The following ALDH1A1 variants were observed in gnomAD, a reference collection of about 807,000 sequenced individuals.
ALDH1A1 encodes the protein aldehyde dehydrogenase 1A1.
Under a neutral mutation model 62.1 loss-of-function variants are expected in ALDH1A1, and 19 were observed. The observed-to-expected ratio is 0.31, with a 90% CI of 0.21 to 0.45. The LOEUF (loss-of-function observed/expected upper bound fraction) is 0.45. Among genes scored for constraint, ALDH1A1 ranks in the 20% least tolerant of loss-of-function variants. The pLI is 1.00. For synonymous variants in ALDH1A1, 231 were observed against 215.9 expected, an observed-to-expected ratio of 1.07 and a Z score of -0.61; for missense variants, 521 against 607.1, an observed-to-expected ratio of 0.86 and a Z score of 1.49.
At chr9:72,932,050 G>T (rs1282669441) in intron 2 of ALDH1A1, among the ~76,000 whole-genome samples, 2 of 152,136 alleles carry the variant, frequency 1.3e-5, no homozygotes, top group African/African-American at 4.8e-5. Context: ...GCAGATCCCT[G>T]TTCAGACCTC....
Position 72,930,942 on chromosome 9 carries a change from G to A in ALDH1A1, c.249C>T (p.Ser83=), listed in dbSNP as rs1564635688. 2.5e-6 allele frequency: 4 copies of A among 1,613,974 alleles called. No individual in the cohort carries two copies. Among genetic ancestry groups the A allele is most frequent in the Middle Eastern group, 1.6e-4 (1 of 6,062 alleles). Residue 83 remains serine (S), a synonymous_variant, in exon 3 of 13, where the codon TCC becomes TCT. Transcript: ENST00000297785. The part of the protein sequence containing the change: ...IGSPWRTMDA[S]ERGRLLYKLA... Reference sequence around the variant, plus strand: ...ACTTGTATAATAGTCGCCCCCTCTCGGAAGCATCCATAGTACGCCACGGGG... The same window carrying A: ...ACTTGTATAATAGTCGCCCCCTCTCAGAAGCATCCATAGTACGCCACGGGG...
chr9:72,932,280 A>T (rs566573695), intron 2 of ALDH1A1, among the ~76,000 whole-genome samples: 285 of 152,294 alleles, frequency 1.9e-3, no homozygotes, highest in African/African-American at 6.3e-3. Context: ...AGATTTTTTT[A>T]AAAAATTGTA....
At chr9:72,907,679 C>T (rs1465659354) in intron 11 of ALDH1A1, among the ~76,000 whole-genome samples, 1 of 152,120 alleles carries the variant, frequency 6.6e-6, no homozygotes, top group Admixed American at 6.5e-5. Flanking sequence ...CTTCTGCAAG[C>T]GTTTCCTCAT....
chr9:72,931,020 CTG>C lies in ALDH1A1; in HGVS notation c.172-3_172-2del. On this transcript the variant is annotated splice_acceptor_variant and splice_polypyrimidine_tract_variant and intron_variant, in intron 2 of 12. Transcript: ENST00000297785. LOFTEE classifies it high-confidence loss of function. ...CCTTCACTGCCTTGTCAACATCCTC[CTG>C]TAAGTCAACAGGAATTCAATTCAGT... 6.2e-7 allele frequency: 1 copy of C among 1,613,898 alleles called. No homozygotes were observed. Among genetic ancestry groups the C allele is most frequent in the Non-Finnish European group, 8.5e-7 (1 of 1,179,890 alleles).
At chr9:72,927,069 A>C in intron 5 of ALDH1A1, 47 bp downstream of exon 5, 1 of 1,367,010 alleles carries the variant, frequency 7.3e-7, no homozygotes, top group Non-Finnish European at 1.0e-6. Context: ...AGATAGAATA[A>C]GAACTCTTCT....
chr9:72,915,457 C>CA (rs4646545), intron 9 of ALDH1A1, among the ~76,000 whole-genome samples: 66,675 of 151,792 alleles, frequency 0.44, 15,518 homozygotes, highest in Non-Finnish European at 0.5. Flanking sequence ...ATAATCACAA[C>CA]AAAAAACATA....
intron 1 of ALDH1A1, among the ~76,000 whole-genome samples, chr9:72,950,906 C>T (rs1163987180): frequency 6.6e-6 from 1 of 151,358 alleles, no homozygotes; most frequent in African/African-American, 2.4e-5. Flanking sequence ...CAATCCAATT[C>T]TTCACTGGGA....
intron 11 of ALDH1A1, among the ~76,000 whole-genome samples, chr9:72,907,211 C>T (rs1829887991): frequency 6.6e-6 from 1 of 152,162 alleles, no homozygotes; most frequent in African/African-American, 2.4e-5. Context: ...TTTACACTTA[C>T]AAAAGGCAGT....
intron 9 of ALDH1A1, among the ~76,000 whole-genome samples, chr9:72,916,512 G>A (rs918089025): frequency 6.6e-6 from 1 of 152,114 alleles, no homozygotes; most frequent in Non-Finnish European, 1.5e-5. Flanking sequence ...AGGATTTAGG[G>A]GAGTGCTGGT....
rs751623980 is a variant in ALDH1A1 at position 72,916,986 on chromosome 9, A to G, written c.969T>C (p.Ser323=). ...GGATATACTTCTTAGCCCGCTCAAC[A>G]CTCCTTCGAACAAACTCATCATAAA... is the stretch of plus-strand genomic sequence containing the variant. The part of the protein sequence containing the change: ...ESIYDEFVRR[S]VERAKKYILG... The change falls in exon 9 of 13, where the codon AGT becomes AGC. Residue 323 remains serine, a synonymous_variant. Coordinates refer to ENST00000297785, the MANE Select transcript of ALDH1A1 (RefSeq NM_000689.5). 22 of 1,613,300 alleles carry G rather than the reference A, an allele frequency of 1.4e-5. No homozygotes were observed. In the East Asian group the frequency reaches 3.6e-4, roughly 26 times the overall value.
intron 7 of ALDH1A1, among the ~76,000 whole-genome samples, chr9:72,920,811 A>G (rs1830130699): frequency 6.6e-6 from 1 of 152,244 alleles, no homozygotes; most frequent in Admixed American, 6.5e-5. Flanking sequence ...TGCAATGAAG[A>G]AAAGATAAGA....
chr9:72,930,644 A>G (rs1363516906), intron 3 of ALDH1A1, among the ~76,000 whole-genome samples: 1 of 152,198 alleles, frequency 6.6e-6, no homozygotes, highest in African/African-American at 2.4e-5. Flanking sequence ...GGTTTGCTAA[A>G]GTTTAGACCG....
chr9:72,943,157 A>G (rs1393119199), intron 1 of ALDH1A1, among the ~76,000 whole-genome samples: 1 of 152,104 alleles, frequency 6.6e-6, no homozygotes, highest in Non-Finnish European at 1.5e-5. Flanking sequence ...AGAGATCCAG[A>G]ATTTCACCCT....
At chr9:72,925,235 CA>C (rs969325680) in intron 6 of ALDH1A1, among the ~76,000 whole-genome samples, 7 of 152,070 alleles carry the variant, frequency 4.6e-5, no homozygotes, top group Non-Finnish European at 8.8e-5. Context: ...GACAAAGAAG[CA>C]AAAATGTGAT....
intron 2 of ALDH1A1, among the ~76,000 whole-genome samples, chr9:72,938,030 C>T (rs1017765571): frequency 2.2e-4 from 33 of 152,124 alleles, no homozygotes; most frequent in Admixed American, 1.8e-3. Context: ...AAAGGGCCCC[C>T]TCAGGTCTGT....
chr9:72,903,577 A>G (rs1364168760), intron 12 of ALDH1A1, among the ~76,000 whole-genome samples: 1 of 151,738 alleles, frequency 6.6e-6, no homozygotes, highest in African/African-American at 2.4e-5. Flanking sequence ...GGTACACTTT[A>G]ACTGTAGCAT....
chr9:72,944,202 T>A (rs1375977361), intron 1 of ALDH1A1, among the ~76,000 whole-genome samples: 1 of 152,058 alleles, frequency 6.6e-6, no homozygotes, highest in Non-Finnish European at 1.5e-5. Context: ...CCAAGTAGAT[T>A]TGAAGTAGAC....
intron 1 of ALDH1A1, among the ~76,000 whole-genome samples, chr9:72,950,218 C>T: frequency 6.6e-6 from 1 of 151,824 alleles, no homozygotes; most frequent in East Asian, 1.9e-4. Context: ...TTTCATCGAC[C>T]TTAGAAAATA....
intron 1 of ALDH1A1, chr9:72,942,164 G>C (rs1184594232): frequency 2.4e-5 from 11 of 450,636 alleles, no homozygotes; most frequent in Admixed American, 6.4e-5. Context: ...CTCTTAGAGT[G>C]AATCAACACT....
Sources: gnomAD v4.1 joint callset for allele counts (sites outside exome capture counted in the v4.1 genomes callset) on GRCh38, gnomAD v4.1.1 for gene constraint, MANE v1.5 for transcripts, NCBI Gene and HGNC (gene_info 2026-07-23, HGNC 2026-07-21) for gene names.